RBM47: variants seen among roughly 807,000 people sequenced by gnomAD.
RBM47 encodes the protein RNA binding motif protein 47.
A neutral mutation model predicts 47.1 loss-of-function variants in RBM47; 21 were observed. The observed-to-expected ratio is 0.45, with a 90% CI of 0.32 to 0.64. The LOEUF is 0.64. RBM47 is among the 30% of genes least tolerant of loss of function. The pLI, the probability that RBM47 is intolerant of heterozygous loss-of-function variation, is 0.05. For synonymous variants in RBM47, 375 were observed against 361.7 expected (o/e 1.04, Z -0.42); for missense variants, 708 against 870.9 (o/e 0.81, Z 2.35).
At chr4:40,559,950 T>C (rs1430702727) in intron 1 of RBM47, among the ~76,000 whole-genome samples, 5 of 152,236 alleles carry the variant, frequency 3.3e-5, no homozygotes, top group Admixed American at 3.3e-4. Context: ...GCCAAATTAC[T>C]TGCACTAGCC....
rs138606377 is a variant in RBM47 at position 40,513,529 on chromosome 4, A to G, written c.-155+30893T>C. Reference sequence around the variant, plus strand: ...ACAATTGATCATACATAAACATTTGATTAAGGCTGTAGCTTTATTATATTT... The same window carrying G: ...ACAATTGATCATACATAAACATTTGGTTAAGGCTGTAGCTTTATTATATTT... On this transcript the variant is annotated intron_variant, in intron 2 of 6. Transcript: ENST00000295971. Among the ~76,000 whole-genome samples, 361 of 152,286 alleles carry G rather than the reference A, an allele frequency of 2.4e-3. 1 individual carries two copies. Among genetic ancestry groups the G allele is most frequent in the African/African-American group, 8.1e-3 (336 of 41,562 alleles).
At chr4:40,606,072 C>A (rs1334937939) in intron 1 of RBM47, among the ~76,000 whole-genome samples, 14 of 150,222 alleles carry the variant, frequency 9.3e-5, no homozygotes, top group African/African-American at 3.4e-4. Flanking sequence ...GTGGTGCACG[C>A]CTGCAATCCC....
At chr4:40,492,422 G>A (rs1189500133) in intron 2 of RBM47, among the ~76,000 whole-genome samples, 1 of 152,136 alleles carries the variant, frequency 6.6e-6, no homozygotes, top group African/African-American at 2.4e-5. Context: ...AGTGGGAGAA[G>A]TATGGCAGAT....
chr4:40,457,958 A>T (rs1227645678), intron 3 of RBM47, among the ~76,000 whole-genome samples: 1 of 152,202 alleles, frequency 6.6e-6, no homozygotes, highest in Admixed American at 6.5e-5. Context: ...TAATAAAGTC[A>T]AATAAAATTA....
chr4:40,588,478 G>A (rs1733805761), intron 1 of RBM47, among the ~76,000 whole-genome samples: 1 of 152,198 alleles, frequency 6.6e-6, no homozygotes. Context: ...TAGGGTCAGG[G>A]AGCAAGCTAT....
chr4:40,569,465 A>G (rs1731473906), intron 1 of RBM47, among the ~76,000 whole-genome samples: 2 of 148,296 alleles, frequency 1.3e-5, no homozygotes, highest in South Asian at 2.1e-4. Context: ...GCTGGAGTGC[A>G]GTGGTGCGAT....
At chr4:40,554,485 AC>A (rs1370470388) in intron 1 of RBM47, among the ~76,000 whole-genome samples, 1 of 151,720 alleles carries the variant, frequency 6.6e-6, no homozygotes, top group Non-Finnish European at 1.5e-5. Flanking sequence ...CTTCATCATA[AC>A]AAGTAAGTTT....
At chr4:40,562,521 A>G (rs1730728337) in intron 1 of RBM47, among the ~76,000 whole-genome samples, 1 of 141,038 alleles carries the variant, frequency 7.1e-6, no homozygotes, top group Admixed American at 7.6e-5. Context: ...GCTAGAGTGC[A>G]CTGGTGCGAC....
chr4:40,583,399 A>G (rs1416931139), intron 1 of RBM47, among the ~76,000 whole-genome samples: 7 of 148,792 alleles, frequency 4.7e-5, no homozygotes, highest in Non-Finnish European at 8.9e-5. Flanking sequence ...AAAAAAAAAA[A>G]AAAAAAAAAA....
chr4:40,600,985 C>CAAAAAAAAAAA (rs56054491), intron 1 of RBM47, among the ~76,000 whole-genome samples: 765 of 49,946 alleles, frequency 0.015, 87 homozygotes, highest in African/African-American at 0.042. Flanking sequence ...AACTCCGTCT[C>CAAAAAAAAAAA]AAAAAAAAAA....
intron 2 of RBM47, among the ~76,000 whole-genome samples, chr4:40,483,375 GAAC>G (rs971486904): frequency 6.6e-6 from 1 of 152,164 alleles, no homozygotes; most frequent in Non-Finnish European, 1.5e-5. Context: ...CTGAAGAACA[GAAC>G]AACAAGAAAG....
chr4:40,597,010 C>T (rs890867292), intron 1 of RBM47, among the ~76,000 whole-genome samples: 1 of 152,140 alleles, frequency 6.6e-6, no homozygotes, highest in Non-Finnish European at 1.5e-5. Context: ...CCTGTAATCC[C>T]AGCACTTTAG....
chr4:40,580,528 G>A (rs995773287), intron 1 of RBM47, among the ~76,000 whole-genome samples: 7 of 152,134 alleles, frequency 4.6e-5, no homozygotes, highest in African/African-American at 1.4e-4. Flanking sequence ...ACCACAGCAC[G>A]GTGATGGTTT....
rs756413413 is a variant in RBM47, at chr4:40,432,698, C to T, written c.1495G>A (p.Ala499Thr). 3.0e-5 allele frequency: 48 copies of T among 1,590,464 alleles called. No homozygotes were observed. The highest frequency in any genetic ancestry group is 2.1e-4 in the Middle Eastern group (1 of 4,730). Residue 499 changes from alanine to threonine, a missense_variant, in exon 6 of 7, where the codon GCC becomes ACC. Transcript: ENST00000295971. ...ACAGTGGGAATGACAGCGGCTGCGG[C>T]GGCTGCGGCCGCGGCTGCGGCGGCA... Reference protein sequence around the residue: ...AAAAAAAAAAAAAAVIPTVST... With the variant: ...AAAAAAAAAATAAAVIPTVST...
intron 2 of RBM47, among the ~76,000 whole-genome samples, chr4:40,485,607 C>T (rs1479839580): frequency 1.3e-5 from 2 of 152,070 alleles, no homozygotes; most frequent in East Asian, 1.9e-4. Context: ...AATTACCAGT[C>T]CCCAAGTGTC....
intron 3 of RBM47, among the ~76,000 whole-genome samples, chr4:40,459,700 T>C (rs1448299862): frequency 1.3e-5 from 2 of 152,222 alleles, no homozygotes; most frequent in Non-Finnish European, 2.9e-5. Flanking sequence ...CATCAGAGAA[T>C]GAATAGGCCA....
At chr4:40,454,454 A>G (rs1265642749) in intron 3 of RBM47, among the ~76,000 whole-genome samples, 1 of 152,176 alleles carries the variant, frequency 6.6e-6, no homozygotes, top group Admixed American at 6.6e-5. Flanking sequence ...GTTAGCTATT[A>G]GTGCCCCCTT....
intron 2 of RBM47, among the ~76,000 whole-genome samples, chr4:40,528,793 A>G (rs1577890422): frequency 6.7e-6 from 1 of 149,902 alleles, no homozygotes; most frequent in East Asian, 2.0e-4. Flanking sequence ...AAAAACAAAA[A>G]TTAGCTGGGC....
chr4:40,560,306 T>C (rs1481181328), intron 1 of RBM47, among the ~76,000 whole-genome samples: 1 of 152,248 alleles, frequency 6.6e-6, no homozygotes, highest in Non-Finnish European at 1.5e-5. Flanking sequence ...CACAAGAGTA[T>C]GGAAGTTCAG....
Sources: gnomAD v4.1 joint callset for allele counts (sites outside exome capture counted in the v4.1 genomes callset) on GRCh38, gnomAD v4.1.1 for gene constraint, MANE v1.5 for transcripts, NCBI Gene and HGNC (gene_info 2026-07-23, HGNC 2026-07-21) for gene names.